DRD3: variants seen among roughly 807,000 people sequenced by gnomAD.
DRD3 encodes D(3) dopamine receptor.
A neutral mutation model predicts 36.3 loss-of-function variants in DRD3; 19 were observed. The ratio of observed to expected loss-of-function variants is 0.52; its 90% CI spans 0.36 to 0.77. The LOEUF is 0.77. DRD3 is among the 30% of genes least tolerant of loss of function. The pLI, the probability that DRD3 is intolerant of heterozygous loss-of-function variation, is 0.00. For synonymous variants in DRD3, 195 were observed against 203.7 expected (o/e 0.96, Z 0.36); for missense variants, 465 against 505.3 (o/e 0.92, Z 0.77).
intron 3 of DRD3, among the ~76,000 whole-genome samples, chr3:114,154,347 A>G (rs60102628): frequency 7.7e-5 from 11 of 143,144 alleles, no homozygotes; most frequent in South Asian, 2.3e-4. Context: ...GTGTGTGTGT[A>G]TGTGTGTGTG....
chr3:114,149,573 G>A (rs553290920), intron 3 of DRD3, among the ~76,000 whole-genome samples: 18 of 152,322 alleles, frequency 1.2e-4, no homozygotes, highest in African/African-American at 4.1e-4. Flanking sequence ...GGCTGAACCT[G>A]TGACTATAAT....
intron 1 of DRD3, among the ~76,000 whole-genome samples, chr3:114,197,214 C>T (rs1048802994): frequency 2.0e-5 from 3 of 149,896 alleles, no homozygotes; most frequent in Non-Finnish European, 3.0e-5. Flanking sequence ...TTGGTTTCAG[C>T]GATCCCCCGG....
At chr3:114,136,220 A>G (rs1392327611) in intron 5 of DRD3, among the ~76,000 whole-genome samples, 1 of 151,998 alleles carries the variant, frequency 6.6e-6, no homozygotes, top group East Asian at 1.9e-4. Flanking sequence ...TCTCAAAAAC[A>G]AAAACAAAAA....
chr3:114,180,119 A>G (rs1423855768), upstream of DRD3, among the ~76,000 whole-genome samples: 4 of 152,158 alleles, frequency 2.6e-5, no homozygotes, highest in Non-Finnish European at 5.9e-5. Context: ...AAAGAAGAAA[A>G]TTTAAACTTC....
intron 2 of DRD3, among the ~76,000 whole-genome samples, chr3:114,161,961 G>C (rs545471074): frequency 6.6e-6 from 1 of 152,224 alleles, no homozygotes; most frequent in Non-Finnish European, 1.5e-5. Flanking sequence ...TTTTGGGCTA[G>C]AGTAGGTGAG....
chr3:114,198,828 C>G (rs527902808), intron 1 of DRD3, among the ~76,000 whole-genome samples: 2 of 152,178 alleles, frequency 1.3e-5, no homozygotes, highest in Admixed American at 1.3e-4. Flanking sequence ...GCCTTGAACT[C>G]CTGGGCTCAA....
chr3:114,166,193 C>T (rs1291383844), intron 2 of DRD3, among the ~76,000 whole-genome samples: 1 of 151,970 alleles, frequency 6.6e-6, no homozygotes, highest in Non-Finnish European at 1.5e-5. Context: ...ACCGTGTTGG[C>T]CAGGCTGGTC....
At chr3:114,164,510 T>C (rs2077764412) in intron 2 of DRD3, among the ~76,000 whole-genome samples, 1 of 152,106 alleles carries the variant, frequency 6.6e-6, no homozygotes, top group Admixed American at 6.6e-5. Context: ...TAAGGCAGCA[T>C]TTCCCAAATC....
intron 1 of DRD3, among the ~76,000 whole-genome samples, chr3:114,189,809 A>G (rs2077994405): frequency 1.3e-5 from 2 of 152,218 alleles, no homozygotes; most frequent in Admixed American, 1.3e-4. Flanking sequence ...CACTGTGGCA[A>G]TTGAATGACT....
chr3:114,136,478 C>G (rs553294484), intron 5 of DRD3, among the ~76,000 whole-genome samples: 2 of 152,294 alleles, frequency 1.3e-5, no homozygotes, highest in South Asian at 2.1e-4. Context: ...TAATTCTCCA[C>G]ACTCTTGGAA....
intron 1 of DRD3, among the ~76,000 whole-genome samples, chr3:114,192,960 T>C (rs78913289): frequency 6.6e-6 from 1 of 151,726 alleles, no homozygotes; most frequent in African/African-American, 2.4e-5. Flanking sequence ...ATTGGAAATT[T>C]AAAAAAAAGC....
chr3:114,183,112 T>C (rs1001151091), upstream of DRD3, among the ~76,000 whole-genome samples: 3 of 152,206 alleles, frequency 2.0e-5, no homozygotes, highest in African/African-American at 4.8e-5. Flanking sequence ...TTCCCATCAA[T>C]AGTGCATGAG....
At chr3:114,152,494 A>C (rs142287004) in intron 3 of DRD3, among the ~76,000 whole-genome samples, 103 of 152,374 alleles carry the variant, frequency 6.8e-4, no homozygotes, top group Middle Eastern at 3.4e-3. Context: ...ACACTGTTAC[A>C]GTAATTTTTT....
Position 114,127,913 on chromosome 3 carries a change from A to T in DRD3, c.*803T>A, listed in dbSNP as rs1485127782. ...AATTTGGTAGTGTTATGAAAAGCAT[A>T]TCTAAGGTATGTTCTGAACCATAAG... is the stretch of plus-strand genomic sequence containing the variant. On this transcript the variant is annotated 3_prime_UTR_variant, in exon 7 of 7. Coordinates refer to ENST00000383673, the MANE Select transcript of DRD3 (RefSeq NM_000796.6). Among the ~76,000 whole-genome samples the T allele has an allele frequency of 6.6e-6, 1 of 152,252 alleles. No individual in the cohort carries two copies. Among genetic ancestry groups the T allele is most frequent in the Non-Finnish European group, 1.5e-5 (1 of 68,044 alleles).
Position 114,130,188 on chromosome 3 carries a change from G to T in DRD3, c.1006+930C>A, listed in dbSNP as rs1194018395. On this transcript the variant is annotated intron_variant, in intron 6 of 6. Transcript: ENST00000383673. ...GCAGGAGGATTGCTTGAGCCCAGGA[G>T]TTCAAGGCTGCAGTGAGCTATGATT... Among the ~76,000 whole-genome samples the T allele has an allele frequency of 3.3e-5, 5 of 152,280 alleles. No individual in the cohort carries two copies. In the South Asian group the frequency reaches 6.2e-4, roughly 19 times the overall value.
rs142722187 is a variant in DRD3, at chr3:114,141,870, T to C, written c.527-2174A>G. ...TTCGAGACGAGCCTGACCAACATGG[T>C]GAAACCACGTCTCTACTAAAAATAC... On this transcript the variant is annotated intron_variant, in intron 4 of 6. Transcript: ENST00000383673. Among the ~76,000 whole-genome samples, 1,380 of 151,420 alleles carry C rather than the reference T, an allele frequency of 9.1e-3. 28 individuals are homozygous for C. The highest frequency in any genetic ancestry group is 0.031 in the African/African-American group (1,298 of 41,300).
At chr3:114,190,682 A>G (rs1333210220) in intron 1 of DRD3, among the ~76,000 whole-genome samples, 2 of 95,132 alleles carry the variant, frequency 2.1e-5, no homozygotes, top group African/African-American at 8.0e-5. Flanking sequence ...AATTTATTCA[A>G]CACAACTAGT....
chr3:114,131,200 T>C lies in DRD3; in HGVS notation c.924A>G (p.Thr308=). 6.2e-7 allele frequency: 1 copy of C among 1,614,206 alleles called. No individual in the cohort carries two copies. Among genetic ancestry groups the C allele is most frequent in the South Asian group, 1.1e-5 (1 of 91,084 alleles). Residue 308 remains threonine (T), a synonymous_variant, in exon 6 of 7, where the codon ACA becomes ACG. Coordinates refer to ENST00000383673, the MANE Select transcript of DRD3 (RefSeq NM_000796.6). ...VRKLSNGRLS[T]SLKLGPLQPR... ...GTTGCAGGGGCCCCAGCTTCAAAGA[T>C]GTCGATAATCTGCCATTGCTGAGTT...
At chr3:114,156,734 T>C (rs1444685907) in intron 3 of DRD3, among the ~76,000 whole-genome samples, 3 of 10,100 alleles carry the variant, frequency 3.0e-4, no homozygotes, top group Non-Finnish European at 1.3e-3. Context: ...TCTTTCTTTC[T>C]TTCTTTCTTT....
Sources: gnomAD v4.1 joint callset for allele counts (sites outside exome capture counted in the v4.1 genomes callset) on GRCh38, gnomAD v4.1.1 for gene constraint, MANE v1.5 for transcripts, NCBI Gene and HGNC (gene_info 2026-07-23, HGNC 2026-07-21) for gene names.